The following CERS6 variants were observed in gnomAD, a reference collection of about 807,000 sequenced individuals.
CERS6 encodes LAG1 homolog, ceramide synthase 6.
Under a neutral mutation model 56.8 loss-of-function variants are expected in CERS6, and 26 were observed. The observed-to-expected ratio is 0.46, with a 90% confidence interval of 0.34 to 0.63. CERS6 has a LOEUF of 0.63. Among genes scored for constraint, CERS6 ranks in the 30% least tolerant of loss-of-function variants. CERS6 has a pLI of 0.01. For synonymous variants in CERS6, 164 were observed against 173.3 expected (o/e 0.95, Z 0.42); for missense variants, 415 against 467.5 (o/e 0.89, Z 1.04).
chr2:168,632,503 T>G (rs1007973917), intron 4 of CERS6, among the ~76,000 whole-genome samples: 1 of 152,174 alleles, frequency 6.6e-6, no homozygotes, highest in Non-Finnish European at 1.5e-5. Flanking sequence ...TATTTTCACT[T>G]AATAAGACCA....
chr2:168,503,823 G>A (rs1405434040), intron 1 of CERS6, among the ~76,000 whole-genome samples: 3 of 152,134 alleles, frequency 2.0e-5, no homozygotes, highest in Non-Finnish European at 4.4e-5. Context: ...AGTCAGGGGA[G>A]GAAACTTTAA....
intron 8 of CERS6, among the ~76,000 whole-genome samples, chr2:168,754,312 G>A (rs2105449624): frequency 6.6e-6 from 1 of 152,278 alleles, no homozygotes; most frequent in South Asian, 2.1e-4. Flanking sequence ...AGGGTCAAAG[G>A]ACATAATGCA....
intron 8 of CERS6, among the ~76,000 whole-genome samples, chr2:168,731,854 T>C (rs1350212791): frequency 1.3e-5 from 2 of 152,216 alleles, no homozygotes; most frequent in Non-Finnish European, 2.9e-5. Flanking sequence ...TGAAGGAATT[T>C]TTCTTTGTGT....
intron 1 of CERS6, among the ~76,000 whole-genome samples, chr2:168,513,147 A>T (rs2105351622): frequency 6.6e-6 from 1 of 152,324 alleles, no homozygotes; most frequent in Non-Finnish European, 1.5e-5. Context: ...TGAGTTTTTT[A>T]GAAAACCTTT....
chr2:168,693,489 T>G (rs1686557266), intron 5 of CERS6, among the ~76,000 whole-genome samples: 1 of 152,068 alleles, frequency 6.6e-6, no homozygotes, highest in African/African-American at 2.4e-5. Flanking sequence ...TACCCTTGGC[T>G]CAAAGGGTCC....
At position 168,465,117 on chromosome 2, in the gene CERS6, G is replaced by A. The variant is rs148822226; in HGVS notation, c.170+8499G>A. Among the ~76,000 whole-genome samples, 1,172 of 152,350 alleles carry A rather than the reference G, an allele frequency of 7.7e-3. 20 individuals carry two copies. Among genetic ancestry groups the A allele is most frequent in the African/African-American group, 0.027 (1,125 of 41,576 alleles). Reference sequence around the variant, plus strand: ...CATTCACAATAGCCAAAAGGTGGGAGCAACCAAAGTGTCTATTGATATGTG... The same window carrying A: ...CATTCACAATAGCCAAAAGGTGGGAACAACCAAAGTGTCTATTGATATGTG... On this transcript the variant is annotated intron_variant, in intron 1 of 9. Transcript: ENST00000305747.
intron 8 of CERS6, among the ~76,000 whole-genome samples, chr2:168,753,760 A>G (rs13384994): frequency 0.078 from 11,938 of 152,322 alleles, 594 homozygotes; most frequent in Non-Finnish European, 0.11. Flanking sequence ...ATATTTAAAT[A>G]AAAACAGACC....
intron 3 of CERS6, among the ~76,000 whole-genome samples, chr2:168,594,751 C>T (rs958762036): frequency 2.0e-5 from 3 of 152,176 alleles, no homozygotes; most frequent in Admixed American, 1.3e-4. Context: ...TTCTTTCTCA[C>T]GTGAATCTCT....
rs1320515171 is a variant in CERS6, at chr2:168,456,968, C to T, written c.170+350C>T. ...GCCGCATTCCGCGGGGCTCGCCCCT[C>T]TCCGCCGGCGCGCCACGCAAGGCTG... On this transcript the variant is annotated intron_variant, in intron 1 of 9. Transcript: ENST00000305747. This position sits in a 1 kb window ranked among gnomAD's most constrained non-coding sequence, Gnocchi z 4.1. Among the ~76,000 whole-genome samples the T allele has an allele frequency of 6.6e-6, 1 of 152,222 alleles. No homozygotes were observed. Among genetic ancestry groups the T allele is most frequent in the Non-Finnish European group, 1.5e-5 (1 of 68,036 alleles).
chr2:168,706,005 G>A (rs576657996), intron 6 of CERS6, among the ~76,000 whole-genome samples: 1 of 152,314 alleles, frequency 6.6e-6, no homozygotes, highest in South Asian at 2.1e-4. Flanking sequence ...CCCAGAAGGT[G>A]TGTCTAAAGA....
intron 1 of CERS6, among the ~76,000 whole-genome samples, chr2:168,521,668 G>A (rs1181579886): frequency 6.6e-6 from 1 of 152,208 alleles, no homozygotes; most frequent in African/African-American, 2.4e-5. Flanking sequence ...ATGAGAAGTT[G>A]TCATGTTAAA....
At chr2:168,580,297 TTCTC>T (rs1171397977) in intron 3 of CERS6, among the ~76,000 whole-genome samples, 1 of 152,202 alleles carries the variant, frequency 6.6e-6, no homozygotes, top group African/African-American at 2.4e-5. Flanking sequence ...TTTATGTTCT[TTCTC>T]TCCCTTTTCT....
chr2:168,635,832 G>A (rs1054069662), intron 4 of CERS6, among the ~76,000 whole-genome samples: 4 of 152,056 alleles, frequency 2.6e-5, no homozygotes, highest in African/African-American at 7.2e-5. Context: ...TTCATGCGGT[G>A]TTCTCAAATT....
chr2:168,666,730 T>C (rs1685771674), intron 4 of CERS6, among the ~76,000 whole-genome samples: 1 of 152,206 alleles, frequency 6.6e-6, no homozygotes, highest in Admixed American at 6.5e-5. Context: ...GAACCCACAT[T>C]GAGAAGCAGT....
chr2:168,606,021 G>A (rs1235680675), intron 3 of CERS6, among the ~76,000 whole-genome samples: 1 of 152,192 alleles, frequency 6.6e-6, no homozygotes, highest in Non-Finnish European at 1.5e-5. Context: ...CTGTCCTCCA[G>A]ACCCAAAATG....
chr2:168,489,718 G>A (rs1694335367), intron 1 of CERS6, among the ~76,000 whole-genome samples: 1 of 151,786 alleles, frequency 6.6e-6, no homozygotes, highest in Non-Finnish European at 1.5e-5. Context: ...ATATGCACTT[G>A]TTTTTCTAGT....
At chr2:168,748,343 G>A (rs1182555958) in intron 8 of CERS6, among the ~76,000 whole-genome samples, 1 of 152,182 alleles carries the variant, frequency 6.6e-6, no homozygotes, top group East Asian at 1.9e-4. Flanking sequence ...AGTATAACTG[G>A]TGGAAACACA....
intron 3 of CERS6, among the ~76,000 whole-genome samples, chr2:168,613,235 C>G (rs1312774070): frequency 6.6e-6 from 1 of 152,152 alleles, no homozygotes; most frequent in Non-Finnish European, 1.5e-5. Flanking sequence ...TTTTGAGCCT[C>G]AGGTGCCGAC....
At chr2:168,605,030 C>A (rs909208905) in intron 3 of CERS6, among the ~76,000 whole-genome samples, 5 of 152,134 alleles carry the variant, frequency 3.3e-5, no homozygotes, top group African/African-American at 1.2e-4. Flanking sequence ...AATGTCTGCC[C>A]ATTACCCAGT....
Sources: allele counts gnomAD v4.1 joint callset (sites outside exome capture counted in the v4.1 genomes callset), GRCh38; gene constraint gnomAD v4.1.1; non-coding constraint Gnocchi (gnomAD v3.1); transcripts MANE v1.5; gene names NCBI Gene and HGNC (gene_info 2026-07-23, HGNC 2026-07-21).